The following NINJ2 variants were observed in gnomAD, a reference collection of about 807,000 sequenced individuals.
NINJ2 encodes the protein ninjurin-2.
In NINJ2, 12 loss-of-function variants were observed where a neutral mutation model predicts 11.7. The observed-to-expected ratio is 1.02, with a 90% confidence interval of 0.66 to 1.66. The LOEUF is 1.66. Among genes scored for constraint, NINJ2 ranks in the 40% most tolerant of loss-of-function variants. The probability of loss-of-function intolerance (pLI) is 0.00; values close to 1 mark genes in which losing one functional copy is unlikely to be tolerated. For synonymous variants in NINJ2, 93 were observed against 76.8 expected (o/e 1.21, Z -1.10); for missense variants, 187 against 181.8 (o/e 1.03, Z -0.16).
At chr12:588,277 G>A (rs996529150) in intron 1 of NINJ2, among the ~76,000 whole-genome samples, 5 of 152,084 alleles carry the variant, frequency 3.3e-5, no homozygotes, top group East Asian at 1.9e-4. Flanking sequence ...TGGACTCCCC[G>A]CAGACTCCTT....
At position 633,211 on chromosome 12, in the gene NINJ2, AAC is replaced by A. The variant is rs1365440196; in HGVS notation, c.33+30115_33+30116del. On this transcript the variant is annotated intron_variant, in intron 1 of 3. Transcript: ENST00000305108. The surrounding 1 kb of genome is among the most constrained non-coding windows in gnomAD (Gnocchi z 4.3). ...GTGCCCCACTCCTCCATTAAAAAAAAACAAGGCCGGGCGCGGTGGCTCACACC... is the reference window on the plus strand; with the variant it reads ...GTGCCCCACTCCTCCATTAAAAAAAAAAGGCCGGGCGCGGTGGCTCACACC... Among the ~76,000 whole-genome samples the A allele has an allele frequency of 1.3e-5, 2 of 152,032 alleles. No homozygotes were observed. Among genetic ancestry groups the A allele is most frequent in the African/African-American group, 4.8e-5 (2 of 41,386 alleles).
intron 1 of NINJ2, among the ~76,000 whole-genome samples, chr12:629,847 G>T (rs1464543409): frequency 2.5e-5 from 3 of 121,966 alleles, no homozygotes; most frequent in African/African-American, 9.2e-5. Context: ...AGATCGTGCC[G>T]TTGCACTCCA....
chr12:630,279 G>A (rs1189157721), intron 1 of NINJ2, among the ~76,000 whole-genome samples: 1 of 152,156 alleles, frequency 6.6e-6, no homozygotes, highest in African/African-American at 2.4e-5. Context: ...TGACTCTTCA[G>A]TTGTAATTAT....
At chr12:648,396 T>C (rs1413945921) in intron 1 of NINJ2, among the ~76,000 whole-genome samples, 2 of 152,200 alleles carry the variant, frequency 1.3e-5, no homozygotes, top group African/African-American at 4.8e-5. Flanking sequence ...ACATATTTAT[T>C]GAGTAGTCTG....
intron 1 of NINJ2, among the ~76,000 whole-genome samples, chr12:609,789 A>T (rs201295911): frequency 8.6e-6 from 1 of 116,626 alleles, no homozygotes; most frequent in Non-Finnish European, 1.8e-5. Context: ...AAAAAAAAAT[A>T]GGGAAAACAA....
chr12:611,263 T>TTCTCTC lies in NINJ2; in HGVS notation c.34-45086_34-45085insGAGAGA, dbSNP rs138571960. Among the ~76,000 whole-genome samples, 1,039 of 126,454 alleles carry TTCTCTC rather than the reference T, an allele frequency of 8.2e-3. 17 individuals carry two copies. Among genetic ancestry groups the TTCTCTC allele is most frequent in the African/African-American group, 0.026 (928 of 36,114 alleles). 83.0% of individuals were successfully genotyped at this position (126,454 alleles called of 152,430 possible). A position where few individuals can be genotyped will look rare whatever the true frequency, so the allele number is the denominator to read the frequency against. ...TCTTTCTTTCTCTCTCTCTCTTTCTTTCTTTCTTTCTCTCTCTCTTTCTTT... is the reference window on the plus strand; with the variant it reads ...TCTTTCTTTCTCTCTCTCTCTTTCTTTCTCTCTCTTTCTTTCTCTCTCTCTTTCTTT... On this transcript the variant is annotated intron_variant, in intron 1 of 3. Transcript: ENST00000305108.
chr12:656,328 C>T (rs1937872355), intron 1 of NINJ2, among the ~76,000 whole-genome samples: 1 of 151,694 alleles, frequency 6.6e-6, no homozygotes, highest in Admixed American at 6.6e-5. Context: ...TACGTCACTG[C>T]ACTCCAGCCT....
intron 1 of NINJ2, among the ~76,000 whole-genome samples, chr12:639,396 C>T (rs749645302): frequency 1.3e-5 from 2 of 152,150 alleles, no homozygotes; most frequent in Admixed American, 6.5e-5. Flanking sequence ...TCAGACAGCA[C>T]AGCAAGGAGG....
chr12:615,457 G>A (rs150139911), intron 1 of NINJ2, among the ~76,000 whole-genome samples: 2,488 of 152,184 alleles, frequency 0.016, 68 homozygotes, highest in African/African-American at 0.056. Flanking sequence ...GCGTAGTGGC[G>A]CATGCCTGTA....
At chr12:638,616 C>T (rs1236373060) in intron 1 of NINJ2, among the ~76,000 whole-genome samples, 4 of 152,204 alleles carry the variant, frequency 2.6e-5, no homozygotes, top group African/African-American at 7.2e-5. Flanking sequence ...GGGGTTTCAC[C>T]GTGTTAGCCA....
intron 1 of NINJ2, among the ~76,000 whole-genome samples, chr12:637,529 T>C (rs1204496548): frequency 6.7e-6 from 1 of 150,048 alleles, no homozygotes; most frequent in African/African-American, 2.5e-5. Context: ...AAATCCCAGC[T>C]ACTCGGGAGG....
At chr12:629,896 A>AAAAAAAAAAAAAAATATATATATATAT in intron 1 of NINJ2, among the ~76,000 whole-genome samples, 1 of 9,902 alleles carries the variant, frequency 1.0e-4, no homozygotes, top group African/African-American at 1.5e-4. Flanking sequence ...AAAAAAAAAA[A>AAAAAAAAAAAAAAATATATATATATAT]ATATATATAT....
chr12:640,592 T>G lies in NINJ2; in HGVS notation c.33+22736A>C, dbSNP rs542868060. 4.6e-5 allele frequency among the ~76,000 whole-genome samples: 7 copies of G among 152,128 alleles called. No individual in the cohort carries two copies. The highest frequency in any genetic ancestry group is 4.6e-4 in the Admixed American group (7 of 15,266). On this transcript the variant is annotated intron_variant, in intron 1 of 3. Coordinates refer to ENST00000305108, the MANE Select transcript of NINJ2 (RefSeq NM_016533.6). This position sits in a 1 kb window ranked among gnomAD's most constrained non-coding sequence, Gnocchi z 4.0. ...CAGGCTGGAGTGTAGTGGTGTGATA[T>G]GGGCTCACTGCAACCTCAGCCTCTA... is the stretch of plus-strand genomic sequence containing the variant.
intron 1 of NINJ2, among the ~76,000 whole-genome samples, chr12:570,223 G>A (rs1009489211): frequency 2.6e-5 from 4 of 152,248 alleles, no homozygotes; most frequent in Admixed American, 2.6e-4. Flanking sequence ...CGGGCAGAAG[G>A]GCCGGCAGTG....
chr12:619,855 A>C (rs1250612270), intron 1 of NINJ2, among the ~76,000 whole-genome samples: 1 of 152,172 alleles, frequency 6.6e-6, no homozygotes, highest in African/African-American at 2.4e-5. Context: ...GCTTTTAGTA[A>C]CTGTGTGACA....
intron 1 of NINJ2, among the ~76,000 whole-genome samples, chr12:652,961 GA>G (rs1274690043): frequency 7.8e-6 from 1 of 128,992 alleles, no homozygotes; most frequent in African/African-American, 2.8e-5. Context: ...AAAAAAAAAA[GA>G]AAAAGAAAAA....
chr12:586,582 A>G (rs558576628), intron 1 of NINJ2: 19 of 152,434 alleles, frequency 1.2e-4, no homozygotes, highest in African/African-American at 4.3e-4. Flanking sequence ...AAAGGCATCC[A>G]ACCTCAAAGT....
intron 1 of NINJ2, among the ~76,000 whole-genome samples, chr12:629,437 C>G (rs1948244518): frequency 6.6e-6 from 1 of 152,088 alleles, no homozygotes; most frequent in South Asian, 2.1e-4. Flanking sequence ...TACAGTACAA[C>G]CCAGGATCCT....
intron 1 of NINJ2, among the ~76,000 whole-genome samples, chr12:609,633 T>C (rs1947999660): frequency 6.6e-6 from 1 of 151,012 alleles, no homozygotes; most frequent in Non-Finnish European, 1.5e-5. Context: ...TAGCCGGGCG[T>C]GGTGGCGGGC....
Sources: gnomAD v4.1 joint callset for allele counts (sites outside exome capture counted in the v4.1 genomes callset) on GRCh38, gnomAD v4.1.1 for gene constraint, Gnocchi (gnomAD v3.1) non-coding constraint, MANE v1.5 for transcripts, NCBI Gene and HGNC (gene_info 2026-07-23, HGNC 2026-07-21) for gene names.